The following FAM114A2 variants were observed in gnomAD, a reference collection of about 807,000 sequenced individuals.
FAM114A2 encodes the protein family with sequence similarity 114 member A2.
Under a neutral mutation model 58.4 loss-of-function variants are expected in FAM114A2, and 53 were observed. The ratio of observed to expected loss-of-function variants is 0.91; its 90% CI spans 0.73 to 1.14. The LOEUF is 1.14. FAM114A2 is among the 50% of genes most tolerant of loss of function. The pLI is 0.00. For missense variants in FAM114A2, 601 were observed against 581.1 expected (o/e 1.03, Z -0.35); for synonymous variants, 228 against 211.4 (o/e 1.08, Z -0.68).
intron 11 of FAM114A2, among the ~76,000 whole-genome samples, chr5:154,001,885 T>C (rs921015062): frequency 5.9e-5 from 9 of 152,152 alleles, no homozygotes; most frequent in African/African-American, 2.2e-4. Flanking sequence ...AAATTATACA[T>C]GCAAATCCCT....
rs974653716 is a variant in FAM114A2, at chr5:154,034,885, G to A, written c.69C>T (p.Asn23=). The A allele has an allele frequency of 5.6e-6, 9 of 1,613,876 alleles. No homozygotes were observed. The highest frequency in any genetic ancestry group is 1.6e-4 in the Middle Eastern group (1 of 6,084). ...TEAAPILEDG[N]CEPAKNSESV... ...ACTCAGAATTCTTGGCTGGCTCACA[G>A]TTTCCATCTTCAAGGATGGGGGCTG... The change falls in exon 2 of 14, where the codon AAC becomes AAT. Residue 23 remains asparagine (N), a synonymous_variant. Transcript: ENST00000351797.
At chr5:154,020,468 C>T (rs1330131516) in intron 8 of FAM114A2, among the ~76,000 whole-genome samples, 1 of 152,040 alleles carries the variant, frequency 6.6e-6, no homozygotes, top group Admixed American at 6.6e-5. Flanking sequence ...GAGTATATCA[C>T]CACCAATCCC....
intron 8 of FAM114A2, among the ~76,000 whole-genome samples, chr5:154,018,317 G>A (rs999904345): frequency 6.6e-6 from 1 of 151,820 alleles, no homozygotes; most frequent in South Asian, 2.1e-4. Context: ...TAGAGGAGAC[G>A]GATAAATTTC....
At chr5:154,023,236 G>A (rs1272487214) in intron 8 of FAM114A2, among the ~76,000 whole-genome samples, 7 of 152,122 alleles carry the variant, frequency 4.6e-5, no homozygotes, top group Non-Finnish European at 8.8e-5. Context: ...GTATACATAC[G>A]TAACAGGCCT....
At chr5:154,034,234 A>G (rs375836182) in intron 3 of FAM114A2, 44 bp downstream of exon 3, 2 of 1,214,264 alleles carry the variant, frequency 1.6e-6, no homozygotes, top group Non-Finnish European at 1.2e-6. Flanking sequence ...ATCTGTATAA[A>G]ATAAATACAC....
chr5:153,996,964 TC>T (rs1374412772), intron 12 of FAM114A2, among the ~76,000 whole-genome samples: 1 of 136,012 alleles, frequency 7.4e-6, no homozygotes, highest in Non-Finnish European at 1.5e-5. Flanking sequence ...GCCATTGCAC[TC>T]CAGCCTGGGT....
At chr5:154,034,209 T>C (rs1046390736) in intron 3 of FAM114A2, 69 bp downstream of exon 3, 12 of 951,304 alleles carry the variant, frequency 1.3e-5, no homozygotes, top group Non-Finnish European at 1.9e-5. Context: ...TTTAACCAAG[T>C]CATATGCAAT....
At chr5:154,017,736 T>C (rs917213274) in intron 8 of FAM114A2, among the ~76,000 whole-genome samples, 5 of 152,166 alleles carry the variant, frequency 3.3e-5, no homozygotes, top group African/African-American at 1.2e-4. Context: ...AATTATATCA[T>C]GCACTCTCTC....
intron 8 of FAM114A2, among the ~76,000 whole-genome samples, chr5:154,021,557 A>G (rs1044694257): frequency 2.0e-5 from 3 of 152,236 alleles, no homozygotes; most frequent in Non-Finnish European, 2.9e-5. Flanking sequence ...ATTGCTTCAA[A>G]GAGAATAAAA....
At chr5:154,002,490 T>C (rs1397774413) in intron 10 of FAM114A2, 100 bp from the exon 11 acceptor site, 9 of 1,260,950 alleles carry the variant, frequency 7.1e-6, no homozygotes, top group African/African-American at 4.6e-5. Context: ...CAGAGACTAA[T>C]AGTTGCCTTC....
chr5:154,018,590 A>G (rs1168245995), intron 8 of FAM114A2, among the ~76,000 whole-genome samples: 1 of 152,148 alleles, frequency 6.6e-6, no homozygotes. Flanking sequence ...CAAAACCAGG[A>G]AAGAACATAA....
intron 9 of FAM114A2, among the ~76,000 whole-genome samples, chr5:154,007,022 C>T (rs923579332): frequency 6.6e-6 from 1 of 151,978 alleles, no homozygotes; most frequent in Non-Finnish European, 1.5e-5. Context: ...GTCTTGAACT[C>T]CTGACTTCAT....
intron 1 of FAM114A2, 99 bp from the exon 2 acceptor site, chr5:154,035,066 A>G: frequency 1.5e-6 from 1 of 689,330 alleles, no homozygotes; most frequent in Non-Finnish European, 2.4e-6. Flanking sequence ...ATTCACATAC[A>G]AGTATAAGGA....
At chr5:153,993,364 T>C (rs1381425196) in intron 13 of FAM114A2, among the ~76,000 whole-genome samples, 1 of 152,180 alleles carries the variant, frequency 6.6e-6, no homozygotes, top group Non-Finnish European at 1.5e-5. Flanking sequence ...TAGCTTTTCT[T>C]TGGCAACATG....
At chr5:154,031,017 T>C (rs1432116430) in intron 4 of FAM114A2, among the ~76,000 whole-genome samples, 1 of 151,986 alleles carries the variant, frequency 6.6e-6, no homozygotes, top group African/African-American at 2.4e-5. Flanking sequence ...AAACAAGCTT[T>C]ACAAAAAGTC....
chr5:154,025,304 C>G (rs1453390466), intron 8 of FAM114A2, among the ~76,000 whole-genome samples: 2 of 148,508 alleles, frequency 1.3e-5, no homozygotes, highest in South Asian at 4.2e-4. Flanking sequence ...TTTTTTTTAA[C>G]TGCCAATGCA....
At chr5:154,032,410 T>C (rs1013260897) in intron 4 of FAM114A2, among the ~76,000 whole-genome samples, 1 of 152,214 alleles carries the variant, frequency 6.6e-6, no homozygotes, top group African/African-American at 2.4e-5. Context: ...CATGGCCCTC[T>C]GTGGTAGATA....
In FAM114A2 at chr5:154,025,800, TTA is replaced by T. The variant is rs1300431623; in HGVS notation, c.913+597_913+598del. ...AACTTAATATTCAGTTGCCTGGCAA[TTA>T]TACTTTACGTCAGCCATCTCATTTC... On this transcript the variant is annotated intron_variant, in intron 8 of 13. Coordinates refer to ENST00000351797, the MANE Select transcript of FAM114A2 (RefSeq NM_018691.4). Among the ~76,000 whole-genome samples, 15 of 152,306 alleles carry T rather than the reference TTA, an allele frequency of 9.8e-5. No individual in the cohort carries two copies. In the East Asian group the frequency reaches 2.9e-3, roughly 29 times the overall value.
At chr5:153,998,419 T>C (rs1769727993) in intron 11 of FAM114A2, among the ~76,000 whole-genome samples, 1 of 152,200 alleles carries the variant, frequency 6.6e-6, no homozygotes, top group Non-Finnish European at 1.5e-5. Context: ...GACCAAGTGG[T>C]AGGTGCCCTC....
Sources: allele counts gnomAD v4.1 joint callset (sites outside exome capture counted in the v4.1 genomes callset), GRCh38; gene constraint gnomAD v4.1.1; transcripts MANE v1.5; gene names NCBI Gene and HGNC (gene_info 2026-07-23, HGNC 2026-07-21).